Variants in LYPD6B observed in about 807,000 individuals in gnomAD.
LYPD6B encodes LY6/PLAUR domain containing 6B.
A neutral mutation model predicts 22.8 loss-of-function variants in LYPD6B; 17 were observed. The observed-to-expected ratio is 0.75, with a 90% CI of 0.51 to 1.12. The LOEUF is 1.12. LYPD6B is among the 50% of genes most tolerant of loss of function. LYPD6B has a pLI of 0.00. For synonymous variants in LYPD6B, 106 were observed against 91.6 expected, an observed-to-expected ratio of 1.16 and a Z score of -0.90; for missense variants, 221 against 258.3, an observed-to-expected ratio of 0.86 and a Z score of 0.99.
At position 149,214,600 on chromosome 2, in the gene LYPD6B, C is replaced by G. The variant is rs759866478; in HGVS notation, c.514C>G (p.His172Asp). 6.2e-7 allele frequency: 1 copy of G among 1,613,850 alleles called. No homozygotes were observed. The highest frequency in any genetic ancestry group is 8.5e-7 in the Non-Finnish European group (1 of 1,179,812). Residue 172 changes from histidine (H) to aspartate (D), a missense_variant, in exon 7 of 7, where the codon CAC becomes GAC. Coordinates refer to ENST00000409642, the MANE Select transcript of LYPD6B (RefSeq NM_177964.5). ...MICNVELPTN[H>D]TNAVFAVMHA... ...CTGCAATGTAGAATTACCCACCAATCACACTAATGCAGTGTTTGCCGTAAT... is the reference window on the plus strand; with the variant it reads ...CTGCAATGTAGAATTACCCACCAATGACACTAATGCAGTGTTTGCCGTAAT...
chr2:149,133,156 A>G (rs1262002639), intron 2 of LYPD6B, among the ~76,000 whole-genome samples: 1 of 152,118 alleles, frequency 6.6e-6, no homozygotes, highest in Non-Finnish European at 1.5e-5. Flanking sequence ...TCTAAACTGC[A>G]AAGTAGTCTT....
rs1685732829 is a variant in LYPD6B at position 149,093,055 on chromosome 2, C to T, written c.-66-37828C>T. ...TAAGTCAGAAGTTGGAAACAGTATT[C>T]TGAGAAGAGCTATAGATGCTTAAGG... On this transcript the variant is annotated intron_variant, in intron 1 of 6. Coordinates refer to ENST00000409642, the MANE Select transcript of LYPD6B (RefSeq NM_177964.5). Among the ~76,000 whole-genome samples, 3 of 152,078 alleles carry T rather than the reference C, an allele frequency of 2.0e-5. No individual in the cohort carries two copies. The South Asian group carries it at 6.2e-4, about 32-fold the overall frequency.
chr2:149,097,674 A>C (rs979705800), intron 1 of LYPD6B, among the ~76,000 whole-genome samples: 1 of 152,190 alleles, frequency 6.6e-6, no homozygotes, highest in Non-Finnish European at 1.5e-5. Flanking sequence ...AGTAGATGTA[A>C]TCAGGCATAA....
rs1487804527 is a variant in LYPD6B, at chr2:149,069,642, G to T, written c.-67+30841G>T. Among the ~76,000 whole-genome samples, 4 of 147,168 alleles carry T rather than the reference G, an allele frequency of 2.7e-5. No homozygotes were observed. In the East Asian group the frequency reaches 5.8e-4, roughly 22 times the overall value. ...AATTTGCCAAAGACTTTGAAGCATT[G>T]CCACATTAAAAAAAAGTCCCTGTGG... On this transcript the variant is annotated intron_variant, in intron 1 of 6. Transcript: ENST00000409642.
chr2:149,208,776 C>T (rs572006684), intron 5 of LYPD6B, among the ~76,000 whole-genome samples: 5 of 152,348 alleles, frequency 3.3e-5, no homozygotes, highest in African/African-American at 1.2e-4. Context: ...ATTTAACAAA[C>T]TTCCAAGTAT....
intron 2 of LYPD6B, among the ~76,000 whole-genome samples, chr2:149,132,371 G>C (rs1263791262): frequency 6.6e-6 from 1 of 151,364 alleles, no homozygotes; most frequent in Non-Finnish European, 1.5e-5. Context: ...TTGGGCAAAA[G>C]GAAAGGGACA....
chr2:149,120,784 CTTTTTT>C (rs567231544), intron 1 of LYPD6B, among the ~76,000 whole-genome samples: 5 of 95,552 alleles, frequency 5.2e-5, no homozygotes, highest in Admixed American at 1.4e-4. Flanking sequence ...GCTACAAAGT[CTTTTTT>C]TTTTTTTTTT....
At position 149,120,309 on chromosome 2, in the gene LYPD6B, A is replaced by ATATATG. The variant is rs1553485193; in HGVS notation, c.-66-10573_-66-10572insATATGT. On this transcript the variant is annotated intron_variant, in intron 1 of 6. Transcript: ENST00000409642. ...TGCATGTATATACACATATATATAT[A>ATATATG]TGTGTATATATATGTGTATATATAT... 3.0e-3 allele frequency among the ~76,000 whole-genome samples: 392 copies of ATATATG among 132,154 alleles called. 2 individuals are homozygous for ATATATG. Among genetic ancestry groups the ATATATG allele is most frequent in the African/African-American group, 0.011 (369 of 33,026 alleles). The allele number at this position is 132,154 out of a possible 152,430, so 86.7% of individuals were successfully genotyped here.
intron 1 of LYPD6B, among the ~76,000 whole-genome samples, chr2:149,051,331 A>AT (rs1489622281): frequency 6.6e-6 from 1 of 151,614 alleles, no homozygotes; most frequent in Admixed American, 6.6e-5. Flanking sequence ...CGCCCGGCTA[A>AT]TTTTTTCTAT....
intron 1 of LYPD6B, chr2:149,100,952 G>C (rs1386552601): frequency 6.6e-6 from 1 of 152,182 alleles, no homozygotes; most frequent in African/African-American, 2.4e-5. Flanking sequence ...TCCACCTCTT[G>C]TTGCTGGAAC....
At chr2:149,095,766 AGGAGACAGAAAGTG>A (rs1685876319) in intron 1 of LYPD6B, among the ~76,000 whole-genome samples, 1 of 151,912 alleles carries the variant, frequency 6.6e-6, no homozygotes, top group Non-Finnish European at 1.5e-5. Flanking sequence ...AGAAAGAGGC[AGGAGACAGAAAGTG>A]GGAGACAGGA....
chr2:149,212,209 C>T (rs577852585), intron 5 of LYPD6B, among the ~76,000 whole-genome samples: 255 of 150,210 alleles, frequency 1.7e-3, no homozygotes, highest in African/African-American at 5.8e-3. Flanking sequence ...AACCCCGTCT[C>T]TACTAAAAAT....
At chr2:149,167,349 T>G (rs1690496403) in intron 3 of LYPD6B, among the ~76,000 whole-genome samples, 2 of 152,222 alleles carry the variant, frequency 1.3e-5, no homozygotes, top group African/African-American at 4.8e-5. Flanking sequence ...CTGTGATATA[T>G]CTGGCAAACC....
At chr2:149,131,464 AAAG>A (rs2105701282) in intron 2 of LYPD6B, 1 of 152,678 alleles carries the variant, frequency 6.5e-6, no homozygotes, top group South Asian at 2.1e-4. Context: ...GGAAGGAAAA[AAAG>A]GAAAGAAAGA....
intron 3 of LYPD6B, among the ~76,000 whole-genome samples, chr2:149,202,547 C>T (rs1575172711): frequency 6.6e-6 from 1 of 152,216 alleles, no homozygotes; most frequent in East Asian, 1.9e-4. Context: ...TATTCACCAT[C>T]GTCTCACCTT....
At chr2:149,148,723 C>T (rs536704821) in intron 2 of LYPD6B, among the ~76,000 whole-genome samples, 42 of 152,094 alleles carry the variant, frequency 2.8e-4, no homozygotes, top group Non-Finnish European at 5.7e-4. Flanking sequence ...CAAATTAAAC[C>T]CCTCTCTGTG....
chr2:149,125,305 A>C (rs1300977999), intron 1 of LYPD6B, among the ~76,000 whole-genome samples: 3 of 152,166 alleles, frequency 2.0e-5, no homozygotes, highest in Admixed American at 6.5e-5. Context: ...GCAAGTTAGG[A>C]TAAGTAGATT....
At chr2:149,060,642 A>G (rs6712345) in intron 1 of LYPD6B, among the ~76,000 whole-genome samples, 30,148 of 152,076 alleles carry the variant, frequency 0.2, 3,107 homozygotes, top group East Asian at 0.38. Flanking sequence ...GTGGCATCCC[A>G]GGGCAGCTTC....
chr2:149,089,614 C>T (rs1304712947), intron 1 of LYPD6B, among the ~76,000 whole-genome samples: 1 of 152,066 alleles, frequency 6.6e-6, no homozygotes, highest in Non-Finnish European at 1.5e-5. Context: ...AAATATTATG[C>T]TTCAATGGAT....
Sources: gnomAD v4.1 joint callset for allele counts (sites outside exome capture counted in the v4.1 genomes callset) on GRCh38, gnomAD v4.1.1 for gene constraint, MANE v1.5 for transcripts, NCBI Gene and HGNC (gene_info 2026-07-23, HGNC 2026-07-21) for gene names.